The following SPATA17 variants were observed in gnomAD, a reference collection of about 807,000 sequenced individuals.
The protein encoded by SPATA17 is spermatogenesis-associated protein 17.
Under a neutral mutation model 62.2 loss-of-function variants are expected in SPATA17, and 53 were observed. The observed-to-expected ratio is 0.85, with a 90% CI of 0.68 to 1.07. SPATA17 has a LOEUF of 1.07. SPATA17 is among the 50% of genes least tolerant of loss of function. SPATA17 has a pLI of 0.00. For synonymous variants in SPATA17, 146 were observed against 146.8 expected (o/e 0.99, Z 0.04); for missense variants, 466 against 425.5 (o/e 1.10, Z -0.84).
At chr1:217,807,238 A>G (rs1050206814) in intron 9 of SPATA17, among the ~76,000 whole-genome samples, 1 of 146,970 alleles carries the variant, frequency 6.8e-6, no homozygotes, top group African/African-American at 2.5e-5. Flanking sequence ...AACAATAGAT[A>G]CTGGGGTCTC....
intron 9 of SPATA17, among the ~76,000 whole-genome samples, chr1:217,832,214 T>C (rs1456717419): frequency 6.6e-6 from 1 of 152,150 alleles, no homozygotes; most frequent in East Asian, 1.9e-4. Context: ...AAATACCACA[T>C]ATAAAATGTA....
intron 6 of SPATA17, among the ~76,000 whole-genome samples, chr1:217,754,254 C>T (rs930347230): frequency 1.3e-5 from 2 of 151,942 alleles, no homozygotes; most frequent in African/African-American, 4.8e-5. Flanking sequence ...AAACAAAAAA[C>T]CAAAAAAATC....
At chr1:217,759,500 G>A (rs191426210) in intron 6 of SPATA17, among the ~76,000 whole-genome samples, 10 of 152,184 alleles carry the variant, frequency 6.6e-5, no homozygotes, top group African/African-American at 2.2e-4. Context: ...CATTGAAAGT[G>A]GCAATGGGGA....
intron 9 of SPATA17, among the ~76,000 whole-genome samples, chr1:217,861,824 T>C (rs1675902969): frequency 6.6e-6 from 1 of 152,158 alleles, no homozygotes; most frequent in Admixed American, 6.6e-5. Context: ...CACTTGGCCA[T>C]GACAAACACA....
At chr1:217,717,183 T>C (rs1672023882) in intron 5 of SPATA17, among the ~76,000 whole-genome samples, 1 of 148,862 alleles carries the variant, frequency 6.7e-6, no homozygotes, top group Non-Finnish European at 1.5e-5. Context: ...AAAAACTCAC[T>C]TTCATAGATT....
intron 9 of SPATA17, among the ~76,000 whole-genome samples, chr1:217,840,784 A>G (rs924818225): frequency 6.6e-6 from 1 of 151,994 alleles, no homozygotes; most frequent in African/African-American, 2.4e-5. Flanking sequence ...GCTTGAGCCC[A>G]GAAGGTTAAG....
intron 5 of SPATA17, among the ~76,000 whole-genome samples, chr1:217,708,777 T>TC (rs1671794300): frequency 6.8e-6 from 1 of 148,024 alleles, no homozygotes; most frequent in African/African-American, 2.5e-5. Flanking sequence ...GATGCAAAAA[T>TC]CCCCAACAAA....
intron 5 of SPATA17, among the ~76,000 whole-genome samples, chr1:217,705,278 A>G (rs1448808546): frequency 2.8e-5 from 4 of 144,152 alleles, no homozygotes; most frequent in Non-Finnish European, 6.3e-5. Flanking sequence ...TGATTTGTTT[A>G]AGTTCCTTAT....
At chr1:217,803,201 C>T (rs1267550571) in intron 9 of SPATA17, among the ~76,000 whole-genome samples, 7 of 152,088 alleles carry the variant, frequency 4.6e-5, no homozygotes, top group Non-Finnish European at 8.8e-5. Flanking sequence ...CATGAGCCAC[C>T]GCACCCAGCC....
At chr1:217,730,256 C>T (rs1465123985) in intron 5 of SPATA17, among the ~76,000 whole-genome samples, 5 of 149,070 alleles carry the variant, frequency 3.4e-5, no homozygotes, top group Admixed American at 6.7e-5. Context: ...CTCACTCTGT[C>T]GCCAAGGCTA....
At chr1:217,674,609 A>G (rs1670905404) in intron 4 of SPATA17, among the ~76,000 whole-genome samples, 1 of 152,202 alleles carries the variant, frequency 6.6e-6, no homozygotes, top group African/African-American at 2.4e-5. Context: ...CAAGGGGAAC[A>G]CGGTGGTGCC....
intron 9 of SPATA17, among the ~76,000 whole-genome samples, chr1:217,857,270 A>G (rs1016054218): frequency 6.6e-6 from 1 of 152,134 alleles, no homozygotes; most frequent in Admixed American, 6.6e-5. Flanking sequence ...ACCTAAAGTA[A>G]TCTTACACTT....
At chr1:217,759,224 C>T (rs138183858) in intron 6 of SPATA17, among the ~76,000 whole-genome samples, 13,955 of 152,050 alleles carry the variant, frequency 0.092, 776 homozygotes, top group African/African-American at 0.15. Flanking sequence ...TTTGGGAGGC[C>T]GAGGTGGGTG....
At chr1:217,785,560 C>T (rs564858195) in intron 8 of SPATA17, among the ~76,000 whole-genome samples, 90 of 152,238 alleles carry the variant, frequency 5.9e-4, no homozygotes, top group African/African-American at 2.1e-3. Context: ...GATCCAATCA[C>T]CTCCCACCAG....
intron 9 of SPATA17, among the ~76,000 whole-genome samples, chr1:217,851,666 T>G (rs927749222): frequency 6.6e-6 from 1 of 152,196 alleles, no homozygotes; most frequent in Non-Finnish European, 1.5e-5. Context: ...GCTGTGAGAC[T>G]AATTTCTTGA....
chr1:217,664,574 C>T (rs543704687), intron 3 of SPATA17, among the ~76,000 whole-genome samples: 31 of 152,088 alleles, frequency 2.0e-4, no homozygotes, highest in African/African-American at 6.5e-4. Flanking sequence ...GGAATACAGG[C>T]GTAAACCACC....
At chr1:217,820,753 T>C (rs1674837431) in intron 9 of SPATA17, among the ~76,000 whole-genome samples, 1 of 151,970 alleles carries the variant, frequency 6.6e-6, no homozygotes, top group Non-Finnish European at 1.5e-5. Context: ...AATCACAAAA[T>C]TGAATATATT....
chr1:217,768,782 G>A (rs1002220813), intron 6 of SPATA17, among the ~76,000 whole-genome samples: 2 of 151,370 alleles, frequency 1.3e-5, no homozygotes, highest in African/African-American at 2.4e-5. Flanking sequence ...GTGAGCCACC[G>A]TGCCCGGTCA....
chr1:217,834,047 C>T (rs1484900710), intron 9 of SPATA17, among the ~76,000 whole-genome samples: 4 of 152,200 alleles, frequency 2.6e-5, no homozygotes, highest in South Asian at 2.1e-4. Flanking sequence ...CACATAATGA[C>T]GTTTCAGTCA....
Sources: allele counts gnomAD v4.1 joint callset (sites outside exome capture counted in the v4.1 genomes callset), GRCh38; gene constraint gnomAD v4.1.1; transcripts MANE v1.5; gene names NCBI Gene and HGNC (gene_info 2026-07-23, HGNC 2026-07-21).